The following EFCAB10 variants were observed in gnomAD, a reference collection of about 807,000 sequenced individuals.
The protein encoded by EFCAB10 is EF-hand calcium binding domain 10.
EFCAB10 carries 7 observed loss-of-function variants against 7.7 expected under a neutral mutation model. The observed-to-expected ratio is 0.91, with a 90% confidence interval of 0.52 to 1.72. The LOEUF is 1.72. Among genes scored for constraint, EFCAB10 ranks in the 40% most tolerant of loss-of-function variants. EFCAB10 has a pLI of 0.00. For synonymous variants in EFCAB10, 52 were observed against 21.0 expected (o/e 2.47, Z -4.03); for missense variants, 112 against 61.5 (o/e 1.82, Z -2.74).
intron 1 of EFCAB10, among the ~76,000 whole-genome samples, chr7:105,580,650 A>G (rs1706923): frequency 0.31 from 47,567 of 151,834 alleles, 8,636 homozygotes; most frequent in African/African-American, 0.5. Context: ...TTTTGGCAAA[A>G]TTGGAATGTT....
chr7:105,576,066 C>G (rs1288335152), intron 1 of EFCAB10, among the ~76,000 whole-genome samples: 1 of 152,112 alleles, frequency 6.6e-6, no homozygotes, highest in African/African-American at 2.4e-5. Context: ...AGGGGCTTCA[C>G]AAAGACACAG....
intron 1 of EFCAB10, chr7:105,572,185 A>G (rs947599274): frequency 1.3e-5 from 2 of 152,126 alleles, no homozygotes; most frequent in Non-Finnish European, 2.9e-5. Flanking sequence ...GAAATTTTGT[A>G]TGCTTTGGCC....
rs759874948 is a variant in EFCAB10 at position 105,567,156 on chromosome 7, G to A, written c.383+311C>T. On this transcript the variant is annotated intron_variant, in intron 4 of 4. Coordinates refer to ENST00000480514, the MANE Select transcript of EFCAB10 (RefSeq NM_001355526.2). ...CTGTATTGTTTTGAATTTGAACGTCGGTTCTGCACTACTGCTGAAAGATGT... is the reference window on the plus strand; with the variant it reads ...CTGTATTGTTTTGAATTTGAACGTCAGTTCTGCACTACTGCTGAAAGATGT... 5.0e-6 allele frequency: 8 copies of A among 1,585,888 alleles called. No individual in the cohort carries two copies. Among genetic ancestry groups the A allele is most frequent in the Middle Eastern group, 1.7e-4 (1 of 5,962 alleles).
At chr7:105,577,856 A>G (rs1792122368) in intron 1 of EFCAB10, among the ~76,000 whole-genome samples, 1 of 151,986 alleles carries the variant, frequency 6.6e-6, no homozygotes, top group African/African-American at 2.4e-5. Context: ...ATAACTGATT[A>G]CAAGCATGTG....
At chr7:105,566,665 A>G (rs1234733222) in intron 4 of EFCAB10, 1 of 152,048 alleles carries the variant, frequency 6.6e-6, no homozygotes, top group Non-Finnish European at 1.5e-5. Context: ...AATTTAAATT[A>G]TGTTTGGGTT....
At chr7:105,574,012 C>T (rs1792007957) in intron 1 of EFCAB10, among the ~76,000 whole-genome samples, 1 of 151,900 alleles carries the variant, frequency 6.6e-6, no homozygotes, top group Non-Finnish European at 1.5e-5. Context: ...TTTATTAAAG[C>T]CATCCCCTAA....
intron 3 of EFCAB10, 71 bp from the exon 4 acceptor site, chr7:105,567,561 G>A: frequency 1.5e-6 from 1 of 645,744 alleles, no homozygotes; most frequent in Non-Finnish European, 2.7e-6. Context: ...TGCTGAGTAT[G>A]TCTGTTGAAG....
chr7:105,569,377 C>T, intron 2 of EFCAB10, 30 bp downstream of exon 2: 1 of 696,206 alleles, frequency 1.4e-6, no homozygotes, highest in South Asian at 1.5e-5. Flanking sequence ...TGACCACAAA[C>T]TATTACCTCA....
chr7:105,567,085 G>A (rs1352822785), intron 4 of EFCAB10: 3 of 1,348,524 alleles, frequency 2.2e-6, no homozygotes, highest in African/African-American at 1.5e-5. Flanking sequence ...AGATAATGGA[G>A]ATCTCATTTC....
intron 1 of EFCAB10, among the ~76,000 whole-genome samples, chr7:105,570,250 TATATATATA>T (rs1791910939): frequency 1.3e-5 from 1 of 78,452 alleles, no homozygotes; most frequent in African/African-American, 5.3e-5. Context: ...AATATATATA[TATATATATA>T]TATATATATA....
intron 1 of EFCAB10, among the ~76,000 whole-genome samples, chr7:105,575,250 A>G (rs962919574): frequency 4.6e-5 from 7 of 152,152 alleles, no homozygotes; most frequent in African/African-American, 1.7e-4. Context: ...GGAATTCAAG[A>G]TGAGATTTGG....
intron 1 of EFCAB10, among the ~76,000 whole-genome samples, chr7:105,569,914 T>G (rs1562866163): frequency 6.6e-6 from 1 of 151,832 alleles, no homozygotes; most frequent in Admixed American, 6.6e-5. Context: ...GTTGGCAACC[T>G]AAATAATTGA....
intron 1 of EFCAB10, among the ~76,000 whole-genome samples, chr7:105,574,784 G>A (rs1383383900): frequency 6.6e-6 from 1 of 151,806 alleles, no homozygotes; most frequent in Non-Finnish European, 1.5e-5. Flanking sequence ...TGCCCAGCCA[G>A]AAACTCCTGT....
At chr7:105,568,882 G>T (rs1413524016) in intron 3 of EFCAB10, among the ~76,000 whole-genome samples, 1 of 151,472 alleles carries the variant, frequency 6.6e-6, no homozygotes, top group African/African-American at 2.4e-5. Flanking sequence ...CCCGGGAGGT[G>T]GAGGTTGCAG....
In EFCAB10 at chr7:105,581,467, T is replaced by G; in HGVS notation, c.-4A>C. 1 of 703,046 alleles carries G rather than the reference T, an allele frequency of 1.4e-6. No homozygotes were observed. The allele number at this position is 703,046 out of a possible 1,614,324, so 43.6% of individuals were successfully genotyped here. A position where few individuals can be genotyped will look rare whatever the true frequency, so the allele number is the denominator to read the frequency against. ...GCTCCCTGCTGCTGGTCTCCATCGC[T>G]CCGCGTCCCGCTGTTGCTAGGCGAC... On this transcript the variant is annotated 5_prime_UTR_variant, in exon 1 of 5. Transcript: ENST00000480514.
intron 1 of EFCAB10, among the ~76,000 whole-genome samples, chr7:105,574,336 G>A (rs541615781): frequency 2.3e-4 from 35 of 151,606 alleles, no homozygotes; most frequent in Non-Finnish European, 4.1e-4. Context: ...AAAGACATAC[G>A]TGAGACTGAG....
chr7:105,577,984 G>A (rs374346021), intron 1 of EFCAB10, among the ~76,000 whole-genome samples: 3 of 152,156 alleles, frequency 2.0e-5, no homozygotes, highest in East Asian at 1.9e-4. Flanking sequence ...GGCTGGTCTC[G>A]AACTCCTGAC....
intron 1 of EFCAB10, chr7:105,571,762 A>G (rs1020730544): frequency 3.3e-5 from 5 of 152,336 alleles, no homozygotes; most frequent in East Asian, 1.9e-4. Flanking sequence ...AAGAGTTTCA[A>G]TGGGAAATCA....
chr7:105,569,642 A>G (rs755916948), intron 1 of EFCAB10, 71 bp from the exon 2 acceptor site: 136 of 654,074 alleles, frequency 2.1e-4, no homozygotes, highest in Admixed American at 3.3e-4. Flanking sequence ...TAGTCATTTA[A>G]CAATTATTAA....
Sources: allele counts gnomAD v4.1 joint callset (sites outside exome capture counted in the v4.1 genomes callset), GRCh38; gene constraint gnomAD v4.1.1; transcripts MANE v1.5; gene names NCBI Gene and HGNC (gene_info 2026-07-23, HGNC 2026-07-21).